HECTD4: variants seen among roughly 807,000 people sequenced by gnomAD.
HECTD4 encodes HECT domain E3 ubiquitin protein ligase 4, also known as probable E3 ubiquitin-protein ligase HECTD4.
HECTD4 carries 114 observed loss-of-function variants against 471.5 expected under a neutral mutation model. The ratio of observed to expected loss-of-function variants is 0.24; its 90% CI spans 0.21 to 0.28. The LOEUF (loss-of-function observed/expected upper bound fraction) is 0.28. HECTD4 is among the 10% of genes least tolerant of loss of function. The pLI is 1.00. For synonymous variants in HECTD4, 2,012 were observed against 2,256.0 expected, an observed-to-expected ratio of 0.89 and a Z score of 3.07; for missense variants, 3,866 against 5,651.5, an observed-to-expected ratio of 0.68 and a Z score of 10.13.
At chr12:112,167,094 G>T in intron 72 of HECTD4, 1 of 458,712 alleles carries the variant, frequency 2.2e-6, no homozygotes, top group Non-Finnish European at 3.8e-6. Context: ...GGGCCAGCAG[G>T]GCTGGTCATG....
At chr12:112,291,014 C>G (rs1037913165) in intron 7 of HECTD4, among the ~76,000 whole-genome samples, 3 of 152,130 alleles carry the variant, frequency 2.0e-5, no homozygotes, top group African/African-American at 7.2e-5. Context: ...CAGTCCAACA[C>G]ATTAATTATC....
At position 112,248,988 on chromosome 12, in the gene HECTD4, T is replaced by C. The variant is rs531980462; in HGVS notation, c.3951-476A>G. On this transcript the variant is annotated intron_variant, in intron 25 of 75. Coordinates refer to ENST00000682272, the MANE Select transcript of HECTD4 (RefSeq NM_001388303.1). ...ACAATAGAGTAAGAGGTATGAATAG[T>C]ATAATGGCATTGTCGGAGTCTTACG... Among the ~76,000 whole-genome samples, 3 of 152,350 alleles carry C rather than the reference T, an allele frequency of 2.0e-5. No individual in the cohort carries two copies. The East Asian group carries it at 5.8e-4, about 29-fold the overall frequency.
intron 28 of HECTD4, 99 bp downstream of exon 28, chr12:112,247,363 C>A: frequency 1.4e-6 from 1 of 725,822 alleles, no homozygotes; most frequent in Admixed American, 3.6e-5. Flanking sequence ...TTAGTAAATT[C>A]ACAACATTTA....
At chr12:112,270,489 A>G in intron 11 of HECTD4, 30 bp from the exon 12 acceptor site, 1 of 1,567,294 alleles carries the variant, frequency 6.4e-7, no homozygotes, top group Non-Finnish European at 8.8e-7. Context: ...CTGAGTGAGG[A>G]AAGACATCTC....
At chr12:112,305,962 CTA>C in intron 7 of HECTD4, 100 bp downstream of exon 7, 1 of 1,075,706 alleles carries the variant, frequency 9.3e-7, no homozygotes, top group East Asian at 2.5e-5. Flanking sequence ...ACTGAACACA[CTA>C]TACACGCTGC....
At chr12:112,322,739 A>C (rs1489206703) in intron 1 of HECTD4, 1 of 152,896 alleles carries the variant, frequency 6.5e-6, no homozygotes, top group Admixed American at 6.5e-5. Context: ...TACTGATGTC[A>C]AGACAACCAC....
At chr12:112,348,290 G>A (rs1451477919) in intron 1 of HECTD4, among the ~76,000 whole-genome samples, 1 of 152,100 alleles carries the variant, frequency 6.6e-6, no homozygotes, top group South Asian at 2.1e-4. Flanking sequence ...GACCTCTAAA[G>A]CAAGAGGTGA....
chr12:112,219,661 G>A (rs556037743), intron 44 of HECTD4, 172 bp from the exon 45 acceptor site: 5 of 469,218 alleles, frequency 1.1e-5, no homozygotes, highest in East Asian at 3.7e-5. Flanking sequence ...GTGCAGTGGC[G>A]CGGTCCTGGC....
chr12:112,192,576 C>A lies in HECTD4; in HGVS notation c.9276G>T (p.Arg3092Ser). 1 of 1,580,810 alleles carries A rather than the reference C, an allele frequency of 6.3e-7. No homozygotes were observed. The highest frequency in any genetic ancestry group is 1.8e-5 in the Admixed American group (1 of 57,136). Residue 3092 changes from arginine (R) to serine (S), a missense_variant, in exon 59 of 76, where the codon AGG becomes AGT. Physicochemically the swap from Arg to Ser is moderately radical, Grantham distance 110. This residue lies in a region of HECTD4 where 364 missense variants were observed against 413.2 expected (regional missense o/e 0.88). Coordinates refer to ENST00000682272, the MANE Select transcript of HECTD4 (RefSeq NM_001388303.1). ...QYPSVVLSTD[R>S]VHIKLGVSPP... ...GAGACTCACCCAGTTTGATGTGGAC[C>A]CTGTCTGTGGAGAGGACCACAGAGG...
At chr12:112,242,575 T>C (rs2033664116) in intron 32 of HECTD4, among the ~76,000 whole-genome samples, 1 of 149,452 alleles carries the variant, frequency 6.7e-6, no homozygotes, top group Non-Finnish European at 1.5e-5. Flanking sequence ...GATCACGTCA[T>C]TGCATGCCAG....
chr12:112,207,498 C>G (rs1177039571), intron 52 of HECTD4, among the ~76,000 whole-genome samples: 2 of 152,154 alleles, frequency 1.3e-5, no homozygotes, highest in Non-Finnish European at 2.9e-5. Context: ...CCAAATCAAC[C>G]TTGCAGAGCA....
chr12:112,333,155 G>A (rs906310391), intron 1 of HECTD4, among the ~76,000 whole-genome samples: 1 of 152,140 alleles, frequency 6.6e-6, no homozygotes, highest in Non-Finnish European at 1.5e-5. Flanking sequence ...GAATAATGCT[G>A]CTATGAACAT....
intron 18 of HECTD4, among the ~76,000 whole-genome samples, chr12:112,261,009 T>C (rs555344953): frequency 6.6e-6 from 1 of 152,248 alleles, no homozygotes; most frequent in Non-Finnish European, 1.5e-5. Context: ...ACCTTGATAA[T>C]TAAAGGAAAG....
At chr12:112,278,038 T>G (rs562068966) in intron 9 of HECTD4, among the ~76,000 whole-genome samples, 11 of 152,184 alleles carry the variant, frequency 7.2e-5, no homozygotes. Flanking sequence ...AGTGGTATTT[T>G]GCTACTATCG....
intron 1 of HECTD4, among the ~76,000 whole-genome samples, chr12:112,320,626 G>C (rs999778287): frequency 5.9e-5 from 9 of 151,684 alleles, no homozygotes; most frequent in African/African-American, 2.2e-4. Flanking sequence ...GCTCGAACCC[G>C]GGAGGTAGAG....
intron 1 of HECTD4, among the ~76,000 whole-genome samples, chr12:112,371,886 C>CAAA (rs535844706): frequency 4.5e-4 from 26 of 57,168 alleles, no homozygotes; most frequent in East Asian, 2.0e-3. Context: ...AACTCTGTCT[C>CAAA]AAAAAAAAAA....
intron 12 of HECTD4, 91 bp from the exon 13 acceptor site, chr12:112,269,940 G>T: frequency 8.9e-7 from 1 of 1,122,690 alleles, no homozygotes; most frequent in South Asian, 1.5e-5. Flanking sequence ...GATATCCTAT[G>T]AACAAATAAC....
chr12:112,167,673 G>A, intron 71 of HECTD4, 135 bp from the exon 72 acceptor site: 1 of 1,019,720 alleles, frequency 9.8e-7, no homozygotes, highest in Non-Finnish European at 1.5e-6. Flanking sequence ...TGCCCATCCA[G>A]TGAGGCAAGG....
At chr12:112,314,650 G>A (rs2035442478) in intron 2 of HECTD4, 104 bp from the exon 3 acceptor site, 1 of 690,772 alleles carries the variant, frequency 1.4e-6, no homozygotes. Context: ...TCCAAAATGT[G>A]TCTCTCTGCT....
Sources: allele counts gnomAD v4.1 joint callset (sites outside exome capture counted in the v4.1 genomes callset), GRCh38; gene constraint gnomAD v4.1.1; regional missense constraint gnomAD v4.1.1; transcripts MANE v1.5; gene names NCBI Gene and HGNC (gene_info 2026-07-23, HGNC 2026-07-21).